AOX1: variants seen among roughly 807,000 people sequenced by gnomAD.
AOX1 encodes the protein aldehyde oxidase.
Under a neutral mutation model 169.5 loss-of-function variants are expected in AOX1, and 153 were observed. The observed-to-expected ratio is 0.90, with a 90% confidence interval of 0.79 to 1.03. The LOEUF is 1.03. AOX1 is among the 50% of genes least tolerant of loss of function. The pLI is 0.00. For synonymous variants in AOX1, 562 were observed against 581.9 expected, an observed-to-expected ratio of 0.97 and a Z score of 0.49; for missense variants, 1,656 against 1,663.9, an observed-to-expected ratio of 1.00 and a Z score of 0.08.
intron 20 of AOX1, among the ~76,000 whole-genome samples, chr2:200,632,842 A>G (rs1226598321): frequency 6.6e-6 from 1 of 151,396 alleles, no homozygotes; most frequent in Non-Finnish European, 1.5e-5. Flanking sequence ...TCTGGCCTCC[A>G]TGGTTCCTGA....
chr2:200,588,675 C>G (rs1330247117), intron 1 of AOX1, among the ~76,000 whole-genome samples: 1 of 144,686 alleles, frequency 6.9e-6, no homozygotes, highest in African/African-American at 2.6e-5. Flanking sequence ...GTGTGTGCTT[C>G]GGTACTTAAT....
chr2:200,601,073 C>CTTTTTTTTTTTT (rs58855977), intron 5 of AOX1, among the ~76,000 whole-genome samples: 6 of 120,476 alleles, frequency 5.0e-5, no homozygotes, highest in Non-Finnish European at 3.4e-5. Context: ...GCTTAGAGTG[C>CTTTTTTTTTTTT]TTTTTTTTTT....
chr2:200,597,278 A>G, intron 3 of AOX1, 119 bp from the exon 4 acceptor site: 1 of 597,212 alleles, frequency 1.7e-6, no homozygotes, highest in Non-Finnish European at 2.8e-6. Flanking sequence ...ATGTATGTGT[A>G]AAACCTGGGT....
Position 200,617,997 on chromosome 2 carries a change from T to C in AOX1, c.1704+1934T>C, listed in dbSNP as rs185081954. ...GAGAACTGAGGGGATTCCTTTGCCA[T>C]GGGGACAGGGCAGTGTGAGCTACGT... On this transcript the variant is annotated intron_variant, in intron 16 of 34. Transcript: ENST00000374700. Among the ~76,000 whole-genome samples, 274 of 152,296 alleles carry C rather than the reference T, an allele frequency of 1.8e-3. 2 individuals carry two copies. The highest frequency in any genetic ancestry group is 6.0e-3 in the African/African-American group (248 of 41,554).
At chr2:200,635,576 C>T (rs569124630) in intron 21 of AOX1, among the ~76,000 whole-genome samples, 21 of 152,158 alleles carry the variant, frequency 1.4e-4, no homozygotes, top group Non-Finnish European at 2.5e-4. Flanking sequence ...GATGGTAAGA[C>T]AAGAGAGGTC....
At chr2:200,675,629 G>C (rs570208903), downstream of AOX1, among the ~76,000 whole-genome samples, 131 of 152,230 alleles carry the variant, frequency 8.6e-4, no homozygotes, top group African/African-American at 3.1e-3. Flanking sequence ...GAAGTCCAAG[G>C]ATTTTCATGG....
At chr2:200,639,460 G>T (rs2035308945) in intron 23 of AOX1, among the ~76,000 whole-genome samples, 1 of 152,190 alleles carries the variant, frequency 6.6e-6, no homozygotes, top group Non-Finnish European at 1.5e-5. Flanking sequence ...TTTGTTAAAT[G>T]CATAGCACTG....
chr2:200,655,370 G>C (rs1458547192), intron 26 of AOX1, among the ~76,000 whole-genome samples: 1 of 152,100 alleles, frequency 6.6e-6, no homozygotes, highest in Non-Finnish European at 1.5e-5. Context: ...TGGGCTCTCT[G>C]TAGAGGAAAA....
At chr2:200,619,573 T>C (rs1265090567) in intron 16 of AOX1, among the ~76,000 whole-genome samples, 1 of 152,178 alleles carries the variant, frequency 6.6e-6, no homozygotes, top group Non-Finnish European at 1.5e-5. Context: ...CTTTTCACAA[T>C]ACACACCCGA....
At chr2:200,673,076 T>C (rs150318239), downstream of AOX1, among the ~76,000 whole-genome samples, 139 of 152,330 alleles carry the variant, frequency 9.1e-4, 1 homozygote, top group East Asian at 0.026. Flanking sequence ...GATGCTGTGC[T>C]GATGCAGGTC....
At chr2:200,655,088 G>A (rs1559257426) in intron 26 of AOX1, among the ~76,000 whole-genome samples, 3 of 152,186 alleles carry the variant, frequency 2.0e-5, no homozygotes, top group South Asian at 4.1e-4. Flanking sequence ...CACACTTTGC[G>A]AGCCAAGGAG....
At chr2:200,588,726 C>CTTTTTTTTTTTTTTTTTTTT (rs71807461) in intron 1 of AOX1, among the ~76,000 whole-genome samples, 1,307 of 53,942 alleles carry the variant, frequency 0.024, 312 homozygotes, top group Non-Finnish European at 0.033. Context: ...CTAGAATAAG[C>CTTTTTTTTTTTTTTTTTTTT]TTTTTTTTTT....
Position 200,634,907 on chromosome 2 carries a change from T to C in AOX1, c.2338T>C (p.Tyr780His). 6.2e-7 allele frequency: 1 copy of C among 1,613,998 alleles called. No individual in the cohort carries two copies. The highest frequency in any genetic ancestry group is 8.5e-7 in the Non-Finnish European group (1 of 1,179,924). Residue 780 changes from tyrosine (Y) to histidine (H), a missense_variant, in exon 21 of 35, where the codon TAT (tyrosine) becomes CAT (histidine). Physicochemically the swap from Tyr to His is moderately conservative, Grantham distance 83. Coordinates refer to ENST00000374700, the MANE Select transcript of AOX1 (RefSeq NM_001159.4). ...CTACGTGTCCACACAGTTTCCCAAATATATACAGGTAACATGGGGCCATTG... is the reference window on the plus strand; with the variant it reads ...CTACGTGTCCACACAGTTTCCCAAACATATACAGGTAACATGGGGCCATTG... ...DVYVSTQFPK[Y>H]IQDIVASTLK...
At chr2:200,673,169 T>C (rs1015728239), downstream of AOX1, among the ~76,000 whole-genome samples, 1 of 152,176 alleles carries the variant, frequency 6.6e-6, no homozygotes, top group African/African-American at 2.4e-5. Flanking sequence ...TCTGTAAATG[T>C]TGGAATTCTC....
At chr2:200,611,102 G>T (rs1290999275) in intron 12 of AOX1, among the ~76,000 whole-genome samples, 1 of 152,170 alleles carries the variant, frequency 6.6e-6, no homozygotes, top group East Asian at 1.9e-4. Flanking sequence ...TGATCCACCT[G>T]CCTTGGCCTC....
intron 30 of AOX1, among the ~76,000 whole-genome samples, chr2:200,662,208 C>A (rs1335291563): frequency 6.6e-6 from 1 of 152,184 alleles, no homozygotes; most frequent in Non-Finnish European, 1.5e-5. Context: ...GGTGCGGGAC[C>A]TGGGCACTGA....
downstream of AOX1, among the ~76,000 whole-genome samples, chr2:200,678,800 A>T (rs1055228077): frequency 1.3e-5 from 2 of 151,448 alleles, no homozygotes; most frequent in Non-Finnish European, 2.9e-5. Flanking sequence ...GTCATGCATC[A>T]TTTCAGTTTG....
At chr2:200,593,241 G>C (rs1377202699) in intron 2 of AOX1, 38 bp downstream of exon 2, 1 of 1,498,908 alleles carries the variant, frequency 6.7e-7, no homozygotes, top group Non-Finnish European at 9.3e-7. Flanking sequence ...ATGTGTGTGT[G>C]TATTTGTATA....
intron 32 of AOX1, among the ~76,000 whole-genome samples, chr2:200,667,652 G>A (rs1257788328): frequency 6.6e-6 from 1 of 152,074 alleles, no homozygotes; most frequent in Non-Finnish European, 1.5e-5. Flanking sequence ...CCTGTTCATG[G>A]CTGCTAATCA....
Sources: allele counts gnomAD v4.1 joint callset (sites outside exome capture counted in the v4.1 genomes callset), GRCh38; gene constraint gnomAD v4.1.1; transcripts MANE v1.5; gene names NCBI Gene and HGNC (gene_info 2026-07-23, HGNC 2026-07-21).